RAD9B: variants seen among roughly 807,000 people sequenced by gnomAD.
RAD9B encodes cell cycle checkpoint control protein RAD9B.
A neutral mutation model predicts 48.3 loss-of-function variants in RAD9B; 41 were observed. The ratio of observed to expected loss-of-function variants is 0.85; its 90% confidence interval spans 0.66 to 1.10. The LOEUF (loss-of-function observed/expected upper bound fraction) is 1.10. Ranked by LOEUF, RAD9B falls within the 50% of genes least tolerant of loss-of-function variation. RAD9B has a pLI of 0.00. For synonymous variants in RAD9B, 160 were observed against 157.9 expected (o/e 1.01, Z -0.10); for missense variants, 444 against 485.1 (o/e 0.92, Z 0.80).
At chr12:110,519,657 A>G in intron 8 of RAD9B, 137 bp from the exon 9 acceptor site, 1 of 884,304 alleles carries the variant, frequency 1.1e-6, no homozygotes, top group Non-Finnish European at 1.7e-6. Context: ...GCTGGTCTCA[A>G]ACTCGCAACC....
At chr12:110,509,040 C>T (rs2063377819) in intron 4 of RAD9B, among the ~76,000 whole-genome samples, 1 of 152,164 alleles carries the variant, frequency 6.6e-6, no homozygotes, top group Non-Finnish European at 1.5e-5. Flanking sequence ...TCTCAGCTCA[C>T]TGCAAGCTCC....
At chr12:110,509,226 C>G (rs1289977413) in intron 4 of RAD9B, among the ~76,000 whole-genome samples, 1 of 151,762 alleles carries the variant, frequency 6.6e-6, no homozygotes. Flanking sequence ...CCTTGGCCTT[C>G]CAAAGTGCTG....
At chr12:110,528,410 G>A (rs2064012841) in intron 10 of RAD9B, among the ~76,000 whole-genome samples, 1 of 152,192 alleles carries the variant, frequency 6.6e-6, no homozygotes, top group African/African-American at 2.4e-5. Flanking sequence ...GATATGTTAA[G>A]GGAATGCTAA....
chr12:110,515,482 G>A (rs758593038), intron 6 of RAD9B, among the ~76,000 whole-genome samples: 8 of 152,156 alleles, frequency 5.3e-5, no homozygotes, highest in South Asian at 2.1e-4. Flanking sequence ...CCAACATGGC[G>A]AAAACCCATC....
chr12:110,515,326 C>T (rs1469302733), intron 6 of RAD9B, among the ~76,000 whole-genome samples, 170 bp downstream of exon 6: 2 of 152,126 alleles, frequency 1.3e-5, no homozygotes, highest in Non-Finnish European at 2.9e-5. Flanking sequence ...ACACAATCAG[C>T]AATTAAAATA....
intron 10 of RAD9B, among the ~76,000 whole-genome samples, chr12:110,525,751 C>T (rs2063916797): frequency 6.6e-6 from 1 of 152,128 alleles, no homozygotes; most frequent in Non-Finnish European, 1.5e-5. Flanking sequence ...AGTGCAGTGG[C>T]ATGATCTTGG....
At chr12:110,509,095 G>A (rs959408291) in intron 4 of RAD9B, among the ~76,000 whole-genome samples, 5 of 152,168 alleles carry the variant, frequency 3.3e-5, no homozygotes, top group Admixed American at 1.3e-4. Context: ...CTCTCGAGTA[G>A]TTGGGACTAC....
chr12:110,524,634 G>T lies in RAD9B; in HGVS notation c.1125+2223G>T, dbSNP rs185859686. ...AACTCTTAGATTGGCCGGCGTGGTGGCTCATGCCTGTAATCCCAGCATTTT... is the reference window on the plus strand; with the variant it reads ...AACTCTTAGATTGGCCGGCGTGGTGTCTCATGCCTGTAATCCCAGCATTTT... On this transcript the variant is annotated intron_variant, in intron 10 of 10. Coordinates refer to ENST00000409300, the MANE Select transcript of RAD9B (RefSeq NM_001286535.2). 7.2e-4 allele frequency among the ~76,000 whole-genome samples: 107 copies of T among 148,164 alleles called. 1 individual carries two copies. The highest frequency in any genetic ancestry group is 7.8e-3 in the Middle Eastern group (2 of 256).
At chr12:110,528,159 G>T (rs1156682600) in intron 10 of RAD9B, among the ~76,000 whole-genome samples, 2 of 152,194 alleles carry the variant, frequency 1.3e-5, no homozygotes, top group African/African-American at 4.8e-5. Context: ...GACTTTAGCT[G>T]AAAGTGTTAT....
In RAD9B at chr12:110,530,905, A is replaced by G. The variant is rs2064119502; in HGVS notation, c.*252A>G. On this transcript the variant is annotated 3_prime_UTR_variant, in exon 11 of 11. Coordinates refer to ENST00000409300, the MANE Select transcript of RAD9B (RefSeq NM_001286535.2). ...AGTTTTCTGTGAAGGAAAAAAGCCC[A>G]TTAGAGTTCTTCAATTCAATGCACG... The G allele has an allele frequency of 1.6e-6, 2 of 1,214,986 alleles. No homozygotes were observed. Among genetic ancestry groups the G allele is most frequent in the African/African-American group, 1.5e-5 (1 of 65,912 alleles). The allele number at this position is 1,214,986 out of a possible 1,614,324, so 75.3% of individuals were successfully genotyped here. A position where few individuals can be genotyped will look rare whatever the true frequency, so the allele number is the denominator to read the frequency against.
At chr12:110,505,423 G>T (rs1308113130) in intron 2 of RAD9B, among the ~76,000 whole-genome samples, 194 bp from the exon 3 acceptor site, 10 of 152,026 alleles carry the variant, frequency 6.6e-5, no homozygotes, top group South Asian at 2.1e-4. Flanking sequence ...ATTATGTAAA[G>T]AAAGTTTATT....
intron 5 of RAD9B, among the ~76,000 whole-genome samples, chr12:110,513,167 A>G (rs2063512240): frequency 6.6e-6 from 1 of 151,528 alleles, no homozygotes; most frequent in African/African-American, 2.4e-5. Context: ...GGGGGGTTTT[A>G]CCGTGTTAGC....
intron 9 of RAD9B, among the ~76,000 whole-genome samples, chr12:110,520,661 G>GT (rs1383197558): frequency 2.6e-4 from 19 of 71,922 alleles, no homozygotes; most frequent in South Asian, 2.4e-3. Context: ...TTTTTTTTTT[G>GT]TTTTTTTGAG....
Position 110,531,584 on chromosome 12 carries a change from G to C in RAD9B, c.*931G>C, listed in dbSNP as rs773229943. The C allele has an allele frequency of 1.3e-6, 2 of 1,597,848 alleles. No homozygotes were observed. The highest frequency in any genetic ancestry group is 1.1e-5 in the South Asian group (1 of 90,528). ...TTTTTTATTTTGCAGTGTGCTGCAGGAAAGAATTTAATGGAAGTGATGCCA... is the reference window on the plus strand; with the variant it reads ...TTTTTTATTTTGCAGTGTGCTGCAGCAAAGAATTTAATGGAAGTGATGCCA... On this transcript the variant is annotated 3_prime_UTR_variant, in exon 11 of 11. Transcript: ENST00000409300.
intron 4 of RAD9B, among the ~76,000 whole-genome samples, chr12:110,508,874 A>G (rs2063371358): frequency 6.6e-6 from 1 of 152,176 alleles, no homozygotes; most frequent in South Asian, 2.1e-4. Flanking sequence ...GGCTCACTGC[A>G]GCCTTGACTT....
intron 1 of RAD9B, 51 bp from the exon 2 acceptor site, chr12:110,503,755 T>G (rs1014391952): frequency 1.7e-5 from 23 of 1,354,496 alleles, no homozygotes; most frequent in Non-Finnish European, 6.3e-6. Context: ...GTGATTTGTT[T>G]TTATTGTTAG....
At chr12:110,522,560 T>C (rs1003980997) in intron 10 of RAD9B, 149 bp downstream of exon 10, 19 of 622,924 alleles carry the variant, frequency 3.1e-5, no homozygotes, top group African/African-American at 7.4e-5. Flanking sequence ...GTCTGAATTA[T>C]AGAATGAAGA....
intron 4 of RAD9B, chr12:110,508,044 T>C (rs747143731): frequency 3.6e-5 from 6 of 168,912 alleles, no homozygotes; most frequent in Non-Finnish European, 5.9e-5. Flanking sequence ...ATACTAATAA[T>C]TTAACATTAT....
intron 10 of RAD9B, among the ~76,000 whole-genome samples, chr12:110,526,368 G>T (rs1331636519): frequency 6.6e-6 from 1 of 152,176 alleles, no homozygotes; most frequent in African/African-American, 2.4e-5. Context: ...GAGACTTACA[G>T]GCTGAAGGTG....
Sources: allele counts gnomAD v4.1 joint callset (sites outside exome capture counted in the v4.1 genomes callset), GRCh38; gene constraint gnomAD v4.1.1; transcripts MANE v1.5; gene names NCBI Gene and HGNC (gene_info 2026-07-23, HGNC 2026-07-21).